ZFAND3: variants seen among roughly 807,000 people sequenced by gnomAD.
The protein encoded by ZFAND3 is AN1-type zinc finger protein 3.
A neutral mutation model predicts 29.6 loss-of-function variants in ZFAND3; 10 were observed. The observed-to-expected ratio is 0.34, with a 90% CI of 0.21 to 0.57. ZFAND3 has a LOEUF of 0.57. Ranked by LOEUF, ZFAND3 falls within the 20% of genes least tolerant of loss-of-function variation. The pLI, the probability that ZFAND3 is intolerant of heterozygous loss-of-function variation, is 0.86. For synonymous variants in ZFAND3, 128 were observed against 112.6 expected, an observed-to-expected ratio of 1.14 and a Z score of -0.87; for missense variants, 230 against 304.5, an observed-to-expected ratio of 0.76 and a Z score of 1.82.
At chr6:38,133,048 G>C (rs1765772446) in intron 5 of ZFAND3, among the ~76,000 whole-genome samples, 1 of 152,206 alleles carries the variant, frequency 6.6e-6, no homozygotes, top group Admixed American at 6.5e-5. Flanking sequence ...CTCAGTGTTT[G>C]TCTCCACAGT....
intron 2 of ZFAND3, among the ~76,000 whole-genome samples, chr6:38,042,981 G>A (rs1229902287): frequency 1.3e-5 from 2 of 151,158 alleles, no homozygotes; most frequent in African/African-American, 4.9e-5. Context: ...CACTTTGCTC[G>A]GATAAAAAAA....
chr6:38,021,412 AT>A (rs564694570), intron 2 of ZFAND3, among the ~76,000 whole-genome samples: 229 of 152,264 alleles, frequency 1.5e-3, no homozygotes, highest in African/African-American at 5.2e-3. Context: ...TGAGTTAGTG[AT>A]TCCCTAGCTT....
intron 2 of ZFAND3, among the ~76,000 whole-genome samples, chr6:38,007,177 A>G (rs1270958914): frequency 6.6e-6 from 1 of 152,212 alleles, no homozygotes; most frequent in Non-Finnish European, 1.5e-5. Flanking sequence ...TATAGCATAT[A>G]TTTAGCTTTA....
intron 1 of ZFAND3, among the ~76,000 whole-genome samples, chr6:37,884,165 A>C (rs1487783961): frequency 6.9e-6 from 1 of 145,446 alleles, no homozygotes; most frequent in Non-Finnish European, 1.5e-5. Flanking sequence ...ATTGAAAATG[A>C]AATATACCTT....
At chr6:37,895,523 T>TC (rs1264379956) in intron 1 of ZFAND3, among the ~76,000 whole-genome samples, 19 of 148,904 alleles carry the variant, frequency 1.3e-4, no homozygotes, top group African/African-American at 4.7e-4. Context: ...TTTTCTTTTT[T>TC]TTTTTTGATT....
rs550753355 is a variant in ZFAND3 at position 38,058,978 on chromosome 6, G to A, written c.113-2615G>A. 2.2e-3 allele frequency among the ~76,000 whole-genome samples: 342 copies of A among 152,310 alleles called. 3 individuals are homozygous for A. The highest frequency in any genetic ancestry group is 3.4e-3 in the Middle Eastern group (1 of 294). On this transcript the variant is annotated intron_variant, in intron 2 of 5. Coordinates refer to ENST00000287218, the MANE Select transcript of ZFAND3 (RefSeq NM_021943.3). ...TGATTCTGATGAAGTTATAGAGTAT[G>A]ATAGCAACACTTCCCTCTGGTTCGA... is the stretch of plus-strand genomic sequence containing the variant.
At chr6:38,023,813 C>T (rs777668379) in intron 2 of ZFAND3, among the ~76,000 whole-genome samples, 6 of 152,302 alleles carry the variant, frequency 3.9e-5, no homozygotes, top group Non-Finnish European at 7.3e-5. Flanking sequence ...GTCTCTGATA[C>T]GTCCTATCAC....
At chr6:38,048,422 C>G (rs1416047337) in intron 2 of ZFAND3, among the ~76,000 whole-genome samples, 5 of 151,538 alleles carry the variant, frequency 3.3e-5, no homozygotes, top group Admixed American at 2.0e-4. Context: ...GAGATCGAGA[C>G]CATCCTGGCT....
rs779930477 is a variant in ZFAND3, at chr6:37,899,101, G to A, written c.72-30858G>A. Among the ~76,000 whole-genome samples, 133 of 152,086 alleles carry A rather than the reference G, an allele frequency of 8.7e-4. 1 individual carries two copies. Among genetic ancestry groups the A allele is most frequent in the Admixed American group, 4.6e-3 (71 of 15,270 alleles). Reference sequence around the variant, plus strand: ...TTTTTAGTAGAGACGGGGTTTCACCGTGTTAGTCAGTGTGGTCTCGATCTC... The same window carrying A: ...TTTTTAGTAGAGACGGGGTTTCACCATGTTAGTCAGTGTGGTCTCGATCTC... On this transcript the variant is annotated intron_variant, in intron 1 of 5. Coordinates refer to ENST00000287218, the MANE Select transcript of ZFAND3 (RefSeq NM_021943.3).
intron 2 of ZFAND3, among the ~76,000 whole-genome samples, chr6:38,028,832 G>GCT (rs1393482353): frequency 5.6e-4 from 85 of 152,276 alleles, no homozygotes; most frequent in Non-Finnish European, 1.1e-3. Flanking sequence ...ACAGAGTATA[G>GCT]CTAGGTGACT....
At chr6:37,901,570 A>G (rs1449683106) in intron 1 of ZFAND3, among the ~76,000 whole-genome samples, 2 of 152,082 alleles carry the variant, frequency 1.3e-5, no homozygotes, top group African/African-American at 2.4e-5. Context: ...GTGAGCCGAC[A>G]TTGTGCCACT....
At chr6:37,829,748 CCA>C (rs1032895283) in intron 1 of ZFAND3, among the ~76,000 whole-genome samples, 2 of 152,188 alleles carry the variant, frequency 1.3e-5, no homozygotes, top group Non-Finnish European at 2.9e-5. Flanking sequence ...TGTAGCACTT[CCA>C]ATATGTGCTT....
intron 1 of ZFAND3, among the ~76,000 whole-genome samples, chr6:37,875,909 G>A (rs570339270): frequency 6.6e-6 from 1 of 151,872 alleles, no homozygotes; most frequent in African/African-American, 2.4e-5. Context: ...GGGCTCAAGT[G>A]ATTTTCTCTC....
At chr6:38,061,207 T>C (rs1324840865) in intron 2 of ZFAND3, among the ~76,000 whole-genome samples, 2 of 152,230 alleles carry the variant, frequency 1.3e-5, no homozygotes, top group Non-Finnish European at 1.5e-5. Context: ...TATTATGTGT[T>C]TTCTGTTTAC....
intron 2 of ZFAND3, among the ~76,000 whole-genome samples, chr6:38,044,780 A>G (rs1221538433): frequency 6.6e-6 from 1 of 152,162 alleles, no homozygotes; most frequent in Non-Finnish European, 1.5e-5. Flanking sequence ...GTTTGTGCGG[A>G]AGATATTTTT....
chr6:37,862,728 A>C (rs369184271), intron 1 of ZFAND3, among the ~76,000 whole-genome samples: 18 of 151,896 alleles, frequency 1.2e-4, no homozygotes, highest in East Asian at 3.9e-4. Flanking sequence ...CAAAACAAAA[A>C]AAAAACAAAG....
chr6:37,948,433 C>T (rs981973332), intron 2 of ZFAND3, among the ~76,000 whole-genome samples: 5 of 152,040 alleles, frequency 3.3e-5, no homozygotes, highest in African/African-American at 9.7e-5. Context: ...TTAATGTTCA[C>T]CTGGCATAGT....
chr6:38,098,302 GTCCC>G (rs1765022296), intron 4 of ZFAND3, among the ~76,000 whole-genome samples: 5 of 151,874 alleles, frequency 3.3e-5, no homozygotes, highest in African/African-American at 1.2e-4. Flanking sequence ...GCATGCCACC[GTCCC>G]CGGCTAATTT....
At chr6:37,980,460 C>T (rs1410610525) in intron 2 of ZFAND3, among the ~76,000 whole-genome samples, 1 of 152,118 alleles carries the variant, frequency 6.6e-6, no homozygotes, top group Non-Finnish European at 1.5e-5. Flanking sequence ...TTCCTGGTAA[C>T]CATCAACTCA....
Sources: allele counts gnomAD v4.1 joint callset (sites outside exome capture counted in the v4.1 genomes callset), GRCh38; gene constraint gnomAD v4.1.1; transcripts MANE v1.5; gene names NCBI Gene and HGNC (gene_info 2026-07-23, HGNC 2026-07-21).